SLC39A11: variants seen among roughly 807,000 people sequenced by gnomAD.
SLC39A11 encodes solute carrier family 39 member 11.
In SLC39A11, 33 loss-of-function variants were observed where a neutral mutation model predicts 36.1. The observed-to-expected ratio is 0.91, with a 90% CI of 0.69 to 1.22. SLC39A11 has a LOEUF of 1.22. Ranked by LOEUF, SLC39A11 falls within the 50% of genes most tolerant of loss-of-function variation. The pLI is 0.00. For synonymous variants in SLC39A11, 166 were observed against 170.3 expected, an observed-to-expected ratio of 0.97 and a Z score of 0.20; for missense variants, 432 against 430.3, an observed-to-expected ratio of 1.00 and a Z score of -0.03.
At chr17:72,812,197 C>A (rs1439648250) in intron 6 of SLC39A11, among the ~76,000 whole-genome samples, 2 of 152,170 alleles carry the variant, frequency 1.3e-5, no homozygotes, top group African/African-American at 4.8e-5. Flanking sequence ...TCCCCAAGGT[C>A]ATGTTAGTGT....
At chr17:72,816,174 C>G (rs2077576373) in intron 6 of SLC39A11, among the ~76,000 whole-genome samples, 1 of 152,158 alleles carries the variant, frequency 6.6e-6, no homozygotes, top group South Asian at 2.1e-4. Context: ...AAGGTGGTTG[C>G]CCAGTTGTAG....
At chr17:72,943,533 G>A (rs2085248716) in intron 5 of SLC39A11, among the ~76,000 whole-genome samples, 1 of 152,152 alleles carries the variant, frequency 6.6e-6, no homozygotes, top group Non-Finnish European at 1.5e-5. Context: ...TCTTACCTGA[G>A]TGTCGTACGG....
chr17:72,690,302 C>T (rs4076588), intron 7 of SLC39A11, among the ~76,000 whole-genome samples: 1 of 152,008 alleles, frequency 6.6e-6, no homozygotes, highest in Non-Finnish European at 1.5e-5. Context: ...CCCAGGGGGA[C>T]GTCCTGGTGA....
chr17:72,980,866 A>G (rs575293558), intron 4 of SLC39A11, among the ~76,000 whole-genome samples: 2 of 152,238 alleles, frequency 1.3e-5, no homozygotes, highest in South Asian at 4.2e-4. Context: ...TCTACTAAAA[A>G]TACAAAAATT....
At chr17:73,047,364 A>T (rs1446805182) in intron 3 of SLC39A11, among the ~76,000 whole-genome samples, 1 of 152,156 alleles carries the variant, frequency 6.6e-6, no homozygotes, top group African/African-American at 2.4e-5. Context: ...CTGGATTCAA[A>T]TCCAAGCTCC....
At chr17:72,866,158 C>G (rs2080292416) in intron 5 of SLC39A11, among the ~76,000 whole-genome samples, 1 of 152,214 alleles carries the variant, frequency 6.6e-6, no homozygotes, top group Non-Finnish European at 1.5e-5. Flanking sequence ...CACGTTACCA[C>G]CTAAGCTCCA....
intron 6 of SLC39A11, among the ~76,000 whole-genome samples, chr17:72,847,571 T>C (rs1288211733): frequency 6.6e-6 from 1 of 152,126 alleles, no homozygotes; most frequent in African/African-American, 2.4e-5. Context: ...AGGATAGAAA[T>C]AACAGAGGAA....
intron 6 of SLC39A11, among the ~76,000 whole-genome samples, chr17:72,740,163 C>T (rs925212960): frequency 7.1e-6 from 1 of 141,320 alleles, no homozygotes; most frequent in Non-Finnish European, 1.5e-5. Flanking sequence ...CCTGGGTTCA[C>T]ACCATTCTCC....
At chr17:72,815,603 G>A (rs185988754) in intron 6 of SLC39A11, among the ~76,000 whole-genome samples, 1 of 149,560 alleles carries the variant, frequency 6.7e-6, no homozygotes, top group East Asian at 2.0e-4. Flanking sequence ...GGCAACAAGA[G>A]CGAAACTCTG....
At position 72,906,960 on chromosome 17, in the gene SLC39A11, G is replaced by A. The variant is rs548433146; in HGVS notation, c.430+40792C>T. ...TCAGGGCTGCCTAATCAAAGCATCTGCTCCTTCCTGGAAGGCTCCAACAGC... is the reference window on the plus strand; with the variant it reads ...TCAGGGCTGCCTAATCAAAGCATCTACTCCTTCCTGGAAGGCTCCAACAGC... On this transcript the variant is annotated intron_variant, in intron 5 of 9. Transcript: ENST00000255559. Among the ~76,000 whole-genome samples the A allele has an allele frequency of 4.6e-5, 7 of 152,316 alleles. No individual in the cohort carries two copies. In the East Asian group the frequency reaches 1.4e-3, roughly 29 times the overall value.
chr17:72,765,261 C>G (rs1392046830), intron 6 of SLC39A11, among the ~76,000 whole-genome samples: 1 of 152,246 alleles, frequency 6.6e-6, no homozygotes, highest in East Asian at 1.9e-4. Flanking sequence ...TGACTCTTGA[C>G]TCAATCGGTT....
At chr17:72,771,530 G>C (rs1189615212) in intron 6 of SLC39A11, among the ~76,000 whole-genome samples, 1 of 152,088 alleles carries the variant, frequency 6.6e-6, no homozygotes, top group African/African-American at 2.4e-5. Context: ...TGCAGGAGGA[G>C]AGCCTGCAGC....
Position 73,050,323 on chromosome 17 carries a change from CAA to C in SLC39A11, c.148-18611_148-18610del, listed in dbSNP as rs70938142. Among the ~76,000 whole-genome samples, 602 of 98,800 alleles carry C rather than the reference CAA, an allele frequency of 6.1e-3. 9 individuals carry two copies. Among genetic ancestry groups the C allele is most frequent in the Admixed American group, 0.047 (431 of 9,214 alleles). 64.8% of individuals were successfully genotyped at this position (98,800 alleles called of 152,430 possible). ...CAGAACAAGTTTGGTCTGTTTGTGG[CAA>C]AAAAAAAAAAAAAAAAAAGACCTTG... On this transcript the variant is annotated intron_variant, in intron 3 of 9. Transcript: ENST00000255559.
chr17:72,947,710 T>A, intron 5 of SLC39A11, 42 bp downstream of exon 5: 5 of 1,612,596 alleles, frequency 3.1e-6, no homozygotes, highest in Non-Finnish European at 4.2e-6. Context: ...CTCAGCTCAG[T>A]GTCTGCAGCA....
chr17:72,671,730 T>C (rs894212197), intron 7 of SLC39A11, among the ~76,000 whole-genome samples: 3 of 147,908 alleles, frequency 2.0e-5, no homozygotes, highest in Non-Finnish European at 4.5e-5. Context: ...AAAAAAAAAA[T>C]AGCTATATTT....
intron 7 of SLC39A11, among the ~76,000 whole-genome samples, chr17:72,732,607 G>T (rs2074277602): frequency 2.6e-5 from 4 of 152,276 alleles, no homozygotes; most frequent in African/African-American, 9.6e-5. Flanking sequence ...TTTTGTGAGT[G>T]CTATCTTTCC....
intron 6 of SLC39A11, among the ~76,000 whole-genome samples, chr17:72,814,122 C>G (rs1214596926): frequency 1.3e-5 from 2 of 152,168 alleles, no homozygotes; most frequent in Non-Finnish European, 2.9e-5. Flanking sequence ...ATTAATTAAA[C>G]AAGATTACAC....
At chr17:72,684,518 G>A (rs375471120) in intron 7 of SLC39A11, among the ~76,000 whole-genome samples, 6 of 152,194 alleles carry the variant, frequency 3.9e-5, no homozygotes, top group Non-Finnish European at 4.4e-5. Context: ...ATAACGCATC[G>A]TGCTTTCCTC....
At chr17:72,721,770 G>C (rs947340152) in intron 7 of SLC39A11, among the ~76,000 whole-genome samples, 4 of 152,080 alleles carry the variant, frequency 2.6e-5, no homozygotes, top group Non-Finnish European at 5.9e-5. Context: ...AGGAGTTTGA[G>C]AGCAGCCTGG....
Sources: gnomAD v4.1 joint callset for allele counts (sites outside exome capture counted in the v4.1 genomes callset) on GRCh38, gnomAD v4.1.1 for gene constraint, MANE v1.5 for transcripts, NCBI Gene and HGNC (gene_info 2026-07-23, HGNC 2026-07-21) for gene names.